Variants in GRM3 observed in about 807,000 individuals in gnomAD.
GRM3 encodes the protein metabotropic glutamate receptor 3.
A neutral mutation model predicts 70.5 loss-of-function variants in GRM3; 26 were observed. The observed-to-expected ratio is 0.37, with a 90% CI of 0.27 to 0.51. The LOEUF is 0.51. Ranked by LOEUF, GRM3 falls within the 20% of genes least tolerant of loss-of-function variation. The pLI is 0.93. For missense variants in GRM3, 859 were observed against 1,123.8 expected (o/e 0.76, Z 3.37); for synonymous variants, 443 against 434.9 (o/e 1.02, Z -0.23).
intron 2 of GRM3, among the ~76,000 whole-genome samples, chr7:86,767,528 TATATATATATATATA>T (rs962952049): frequency 3.3e-4 from 19 of 57,476 alleles, no homozygotes; most frequent in African/African-American, 2.1e-3. Flanking sequence ...TATATATATA[TATATATATATATATA>T]TATATATATA....
intron 1 of GRM3, among the ~76,000 whole-genome samples, chr7:86,693,261 C>A (rs895091233): frequency 6.6e-6 from 1 of 152,130 alleles, no homozygotes. Flanking sequence ...AATAAGGAGA[C>A]CATTTCTTCA....
intron 1 of GRM3, among the ~76,000 whole-genome samples, chr7:86,678,242 A>G (rs1460855639): frequency 1.3e-5 from 2 of 152,048 alleles, no homozygotes; most frequent in African/African-American, 2.4e-5. Flanking sequence ...TCTTTCATAA[A>G]CAGAAAAATG....
chr7:86,734,665 A>G (rs1795814291), intron 1 of GRM3, among the ~76,000 whole-genome samples: 1 of 152,224 alleles, frequency 6.6e-6, no homozygotes, highest in African/African-American at 2.4e-5. Context: ...ACAGACAAAC[A>G]TACACACAGA....
At chr7:86,828,817 G>A (rs781577731) in intron 3 of GRM3, among the ~76,000 whole-genome samples, 4 of 152,206 alleles carry the variant, frequency 2.6e-5, no homozygotes, top group Non-Finnish European at 5.9e-5. Context: ...TCTGTAGCGT[G>A]TGATGCTGTT....
intron 3 of GRM3, among the ~76,000 whole-genome samples, chr7:86,787,489 A>G (rs17160998): frequency 0.061 from 9,307 of 152,220 alleles, 904 homozygotes; most frequent in African/African-American, 0.21. Context: ...TCTAGGGAAC[A>G]TGAACTTCCA....
intron 1 of GRM3, among the ~76,000 whole-genome samples, chr7:86,735,589 G>A (rs1033360323): frequency 6.6e-6 from 1 of 151,984 alleles, no homozygotes; most frequent in Non-Finnish European, 1.5e-5. Flanking sequence ...GCACTCATTT[G>A]GTTTTCATAA....
chr7:86,764,360 T>C, intron 1 of GRM3, among the ~76,000 whole-genome samples: 1 of 152,130 alleles, frequency 6.6e-6, no homozygotes, highest in East Asian at 1.9e-4. Flanking sequence ...TCAAGTAAAA[T>C]GAGAACTACA....
chr7:86,667,787 G>C (rs2115881270), intron 1 of GRM3, among the ~76,000 whole-genome samples: 1 of 152,258 alleles, frequency 6.6e-6, no homozygotes, highest in Non-Finnish European at 1.5e-5. Context: ...CTTGAGAAAT[G>C]CTGGCTGGTG....
At chr7:86,721,423 C>T (rs535868061) in intron 1 of GRM3, among the ~76,000 whole-genome samples, 1 of 152,174 alleles carries the variant, frequency 6.6e-6, no homozygotes, top group Admixed American at 6.5e-5. Flanking sequence ...AAAGAAATCT[C>T]ATCAAATAAT....
intron 1 of GRM3, among the ~76,000 whole-genome samples, chr7:86,742,954 G>A (rs2116327461): frequency 6.6e-6 from 1 of 152,170 alleles, no homozygotes; most frequent in South Asian, 2.1e-4. Context: ...AGAGCAATAG[G>A]AGATTCATAT....
At chr7:86,778,138 TA>T (rs1796943832) in intron 2 of GRM3, among the ~76,000 whole-genome samples, 2 of 152,194 alleles carry the variant, frequency 1.3e-5, no homozygotes, top group African/African-American at 4.8e-5. Context: ...ACATGAAGGT[TA>T]TTATCAAGTC....
At chr7:86,791,671 A>T (rs1397613869) in intron 3 of GRM3, among the ~76,000 whole-genome samples, 3 of 152,204 alleles carry the variant, frequency 2.0e-5, no homozygotes, top group Non-Finnish European at 4.4e-5. Flanking sequence ...CATCTACCAC[A>T]GTTTCTGATC....
intron 1 of GRM3, among the ~76,000 whole-genome samples, chr7:86,702,810 G>C (rs185876833): frequency 6.6e-6 from 1 of 152,048 alleles, no homozygotes; most frequent in African/African-American, 2.4e-5. Flanking sequence ...ATTTAGACCA[G>C]AAGGAAGAAC....
intron 1 of GRM3, among the ~76,000 whole-genome samples, chr7:86,712,296 C>G (rs1486486605): frequency 6.6e-6 from 1 of 151,998 alleles, no homozygotes; most frequent in Admixed American, 6.6e-5. Context: ...CCATAGTGTT[C>G]TCTTCCTAAA....
intron 1 of GRM3, among the ~76,000 whole-genome samples, chr7:86,748,368 G>A (rs550926389): frequency 2.6e-5 from 4 of 152,152 alleles, no homozygotes; most frequent in South Asian, 2.1e-4. Flanking sequence ...TTGGAGGCAA[G>A]TAACAAGTCT....
At chr7:86,793,052 G>T (rs1445579602) in intron 3 of GRM3, among the ~76,000 whole-genome samples, 3 of 132,188 alleles carry the variant, frequency 2.3e-5, no homozygotes, top group Non-Finnish European at 4.7e-5. Context: ...TACCAGTGAA[G>T]AGACAGACTA....
intron 1 of GRM3, among the ~76,000 whole-genome samples, chr7:86,756,828 A>G (rs370222709): frequency 6.6e-6 from 1 of 152,104 alleles, no homozygotes; most frequent in Non-Finnish European, 1.5e-5. Context: ...TTAATTTTGC[A>G]TGTGTTAGAC....
chr7:86,714,885 C>T (rs1016673739), intron 1 of GRM3, among the ~76,000 whole-genome samples: 1 of 151,886 alleles, frequency 6.6e-6, no homozygotes, highest in African/African-American at 2.4e-5. Context: ...AAAAAGAGCT[C>T]GATTTAAGCC....
At chr7:86,815,145 AG>A (rs897837570) in intron 3 of GRM3, among the ~76,000 whole-genome samples, 1 of 151,532 alleles carries the variant, frequency 6.6e-6, no homozygotes, top group Non-Finnish European at 1.5e-5. Context: ...TTAATTTCTT[AG>A]GGGGAAAAGG....
Sources: allele counts gnomAD v4.1 joint callset (sites outside exome capture counted in the v4.1 genomes callset), GRCh38; gene constraint gnomAD v4.1.1; transcripts MANE v1.5; gene names NCBI Gene and HGNC (gene_info 2026-07-23, HGNC 2026-07-21).